C10orf53: variants seen among roughly 807,000 people sequenced by gnomAD.
The protein encoded by C10orf53 is chromosome 10 open reading frame 53, also known as UPF0728 protein C10orf53.
A neutral mutation model predicts 9.4 loss-of-function variants in C10orf53; 8 were observed. The ratio of observed to expected loss-of-function variants is 0.85; its 90% CI spans 0.50 to 1.53. The LOEUF is 1.53. Among genes scored for constraint, C10orf53 ranks in the 40% most tolerant of loss-of-function variants. The pLI is 0.00. For missense variants in C10orf53, 117 were observed against 117.8 expected, an observed-to-expected ratio of 0.99 and a Z score of 0.03; for synonymous variants, 48 against 46.0, an observed-to-expected ratio of 1.04 and a Z score of -0.18.
rs1381642022 is a variant in C10orf53 at position 49,686,839 on chromosome 10, C to T, written c.98-6935C>T. Among the ~76,000 whole-genome samples, 9 of 152,196 alleles carry T rather than the reference C, an allele frequency of 5.9e-5. No homozygotes were observed. The South Asian group carries it at 1.2e-3, about 21-fold the overall frequency. ...CTCTCATCAGTAATCCTAATTTTGC[C>T]TTGCCCTGTGATCTTTATTGCCCTT... On this transcript the variant is annotated intron_variant, in intron 1 of 2. Coordinates refer to ENST00000374111, the MANE Select transcript of C10orf53 (RefSeq NM_001042427.3).
chr10:49,702,523 C>A (rs975906906), downstream of C10orf53, among the ~76,000 whole-genome samples: 3 of 152,220 alleles, frequency 2.0e-5, no homozygotes, highest in Non-Finnish European at 2.9e-5. Context: ...CTCTGCCTGA[C>A]TATCCTCAAG....
rs7091758 is a variant in C10orf53 at position 49,681,682 on chromosome 10, C to T, written c.97+1888C>T. 9.1e-3 allele frequency among the ~76,000 whole-genome samples: 1,388 copies of T among 152,284 alleles called. 16 individuals are homozygous for T. Among genetic ancestry groups the T allele is most frequent in the South Asian group, 0.033 (161 of 4,822 alleles). On this transcript the variant is annotated intron_variant, in intron 1 of 2. Coordinates refer to ENST00000374111, the MANE Select transcript of C10orf53 (RefSeq NM_001042427.3). ...GTCAGCTTCTGGTGAGGGCTCTGGGCGCTCTTCCTGGCTTGCTGACAGCCA... is the reference window on the plus strand; with the variant it reads ...GTCAGCTTCTGGTGAGGGCTCTGGGTGCTCTTCCTGGCTTGCTGACAGCCA...
At position 49,693,957 on chromosome 10, in the gene C10orf53, A is replaced by T. The variant is rs1323661252; in HGVS notation, c.217+64A>T. ...TCCTCTGAGGAGTCCCTCAATTTCTAGTTGAAATGATCAGTGTATCATGCC... is the reference window on the plus strand; with the variant it reads ...TCCTCTGAGGAGTCCCTCAATTTCTTGTTGAAATGATCAGTGTATCATGCC... On this transcript the variant is annotated intron_variant, in intron 2 of 2. Coordinates refer to ENST00000374111, the MANE Select transcript of C10orf53 (RefSeq NM_001042427.3). 60 of 1,603,502 alleles carry T rather than the reference A, an allele frequency of 3.7e-5. No individual in the cohort carries two copies. In the East Asian group the frequency reaches 1.3e-3, roughly 35 times the overall value.
intron 2 of C10orf53, chr10:49,694,287 C>A (rs765745215): frequency 3.9e-4 from 233 of 599,808 alleles, no homozygotes; most frequent in Middle Eastern, 8.6e-4. Context: ...AGTTGATATG[C>A]CAGCAGTGCA....
chr10:49,690,004 T>A (rs1016511961), intron 1 of C10orf53, among the ~76,000 whole-genome samples: 1 of 152,038 alleles, frequency 6.6e-6, no homozygotes, highest in Non-Finnish European at 1.5e-5. Context: ...TGGGAAGCCA[T>A]TGAATGTGCG....
At chr10:49,703,830 A>C (rs1392909078) in intron 2 of C10orf53, among the ~76,000 whole-genome samples, 1 of 152,276 alleles carries the variant, frequency 6.6e-6, no homozygotes. Context: ...TCTTGAAAAC[A>C]AGACAACCTG....
chr10:49,696,201 G>C lies in C10orf53; in HGVS notation c.*1599G>C, dbSNP rs533509082. Among the ~76,000 whole-genome samples the C allele has an allele frequency of 6.6e-6, 1 of 152,280 alleles. No individual in the cohort carries two copies. Among genetic ancestry groups the C allele is most frequent in the East Asian group, 1.9e-4 (1 of 5,178 alleles). ...TTTAGATACAGGGGGTACATGGGCA[G>C]GTATGTTGAATCTTTTTTTAAACGT... is the stretch of plus-strand genomic sequence containing the variant. On this transcript the variant is annotated 3_prime_UTR_variant, in exon 3 of 3. Coordinates refer to ENST00000374111, the MANE Select transcript of C10orf53 (RefSeq NM_001042427.3).
Position 49,689,278 on chromosome 10 carries a change from G to C in C10orf53, c.98-4496G>C, listed in dbSNP as rs1375323924. The stretch of plus-strand genomic sequence containing the variant: ...GGGAGGAGAGAACTGGAGGCATAAG[G>C]GGGCAAGCGATGGCATTTCAGGAAG... On this transcript the variant is annotated intron_variant, in intron 1 of 2. Coordinates refer to ENST00000374111, the MANE Select transcript of C10orf53 (RefSeq NM_001042427.3). 2.0e-5 allele frequency among the ~76,000 whole-genome samples: 3 copies of C among 152,222 alleles called. No individual in the cohort carries two copies. In the East Asian group the frequency reaches 5.8e-4, roughly 29 times the overall value.
intron 1 of C10orf53, among the ~76,000 whole-genome samples, chr10:49,686,649 T>A (rs1840531855): frequency 6.6e-6 from 1 of 152,154 alleles, no homozygotes; most frequent in Non-Finnish European, 1.5e-5. Context: ...CTTATGCGGT[T>A]GAGATAAGGA....
At position 49,679,809 on chromosome 10, in the gene C10orf53, C is replaced by T. The variant is rs1366256278; in HGVS notation, c.97+15C>T. The T allele has an allele frequency of 1.2e-5, 19 of 1,526,380 alleles. No individual in the cohort carries two copies. The highest frequency in any genetic ancestry group is 2.3e-4 in the Middle Eastern group (1 of 4,364). The allele number at this position is 1,526,380 out of a possible 1,614,324, so 94.6% of individuals were successfully genotyped here. On this transcript the variant is annotated intron_variant, in intron 1 of 2. Transcript: ENST00000374111. ...GGGCCTGCAAGGTGGGCCTCCTCGC[C>T]GCGTGCGCCCCTGAGGGCCCCAGCC...
intron 1 of C10orf53, among the ~76,000 whole-genome samples, chr10:49,680,256 C>G (rs1002139228): frequency 2.6e-5 from 4 of 152,224 alleles, no homozygotes; most frequent in African/African-American, 9.6e-5. Context: ...TTGAAGTAAT[C>G]TCCTTGTTAA....
At chr10:49,685,623 G>GT (rs1380738194) in intron 1 of C10orf53, among the ~76,000 whole-genome samples, 1 of 152,076 alleles carries the variant, frequency 6.6e-6, no homozygotes, top group East Asian at 1.9e-4. Flanking sequence ...AATACAACAG[G>GT]TTCTTGTTTT....
chr10:49,702,451 C>G (rs1840691320), downstream of C10orf53, among the ~76,000 whole-genome samples: 1 of 152,194 alleles, frequency 6.6e-6, no homozygotes, highest in African/African-American at 2.4e-5. Context: ...GGAGCCTCAT[C>G]CAGCCCATAC....
At chr10:49,682,110 A>T (rs531669235) in intron 1 of C10orf53, among the ~76,000 whole-genome samples, 2 of 152,360 alleles carry the variant, frequency 1.3e-5, no homozygotes, top group African/African-American at 4.8e-5. Context: ...ACATATATTT[A>T]AAATGTTGCC....
In C10orf53 at chr10:49,696,791, G is replaced by A. The variant is rs1297157759; in HGVS notation, c.*2189G>A. ...GTGGGGGGCAGGTGAGGTAGAGGGA[G>A]GAAGTTTGCAGGGCTATTCTGCCTT... On this transcript the variant is annotated 3_prime_UTR_variant, in exon 3 of 3. Coordinates refer to ENST00000374111, the MANE Select transcript of C10orf53 (RefSeq NM_001042427.3). 1.3e-5 allele frequency among the ~76,000 whole-genome samples: 2 copies of A among 152,116 alleles called. No homozygotes were observed. The highest frequency in any genetic ancestry group is 6.5e-5 in the Admixed American group (1 of 15,272).
At chr10:49,689,161 G>A (rs997851858) in intron 1 of C10orf53, among the ~76,000 whole-genome samples, 1 of 152,188 alleles carries the variant, frequency 6.6e-6, no homozygotes, top group African/African-American at 2.4e-5. Flanking sequence ...AGGAAGCAAG[G>A]AAAGACAGGA....
intron 1 of C10orf53, among the ~76,000 whole-genome samples, chr10:49,684,538 A>C (rs1462269886): frequency 6.6e-6 from 1 of 152,118 alleles, no homozygotes; most frequent in Non-Finnish European, 1.5e-5. Flanking sequence ...TTATTTTAGC[A>C]ACTTTTATAG....
Position 49,695,055 on chromosome 10 carries a change from T to C in C10orf53, c.*453T>C, listed in dbSNP as rs922771696. The C allele has an allele frequency of 1.5e-6, 1 of 651,364 alleles. No homozygotes were observed. The highest frequency in any genetic ancestry group is 1.9e-6 in the Non-Finnish European group (1 of 524,862). The allele number at this position is 651,364 out of a possible 1,614,324, so 40.3% of individuals were successfully genotyped here. A position where few individuals can be genotyped will look rare whatever the true frequency, so the allele number is the denominator to read the frequency against. ...TTTGAAAGTCTGAACCAAAAGCAAA[T>C]GTTAATATTTGGAAACCTTGCTATT... On this transcript the variant is annotated 3_prime_UTR_variant, in exon 3 of 3. Transcript: ENST00000374111.
chr10:49,697,873 G>A (rs778860650), downstream of C10orf53, among the ~76,000 whole-genome samples: 1 of 152,180 alleles, frequency 6.6e-6, no homozygotes, highest in Admixed American at 6.5e-5. Context: ...ATGAAATTTG[G>A]AGTCTCTAAA....
Sources: gnomAD v4.1 joint callset for allele counts (sites outside exome capture counted in the v4.1 genomes callset) on GRCh38, gnomAD v4.1.1 for gene constraint, MANE v1.5 for transcripts, NCBI Gene and HGNC (gene_info 2026-07-23, HGNC 2026-07-21) for gene names.